The following RNF150 variants were observed in gnomAD, a reference collection of about 807,000 sequenced individuals.
RNF150 encodes the protein ring finger protein 150.
Under a neutral mutation model 39.3 loss-of-function variants are expected in RNF150, and 24 were observed. The ratio of observed to expected loss-of-function variants is 0.61; its 90% CI spans 0.44 to 0.86. The LOEUF is 0.86. RNF150 is among the 40% of genes least tolerant of loss of function. The pLI, the probability that RNF150 is intolerant of heterozygous loss-of-function variation, is 0.00. For missense variants in RNF150, 502 were observed against 587.8 expected, an observed-to-expected ratio of 0.85 and a Z score of 1.51; for synonymous variants, 255 against 227.3, an observed-to-expected ratio of 1.12 and a Z score of -1.10.
At chr4:140,969,337 C>T (rs139044760) in intron 1 of RNF150, among the ~76,000 whole-genome samples, 2 of 152,090 alleles carry the variant, frequency 1.3e-5, no homozygotes, top group African/African-American at 4.8e-5. Flanking sequence ...ATCATAAAGC[C>T]ATAGTATGGG....
intron 4 of RNF150, among the ~76,000 whole-genome samples, chr4:140,934,090 C>T (rs1399223451): frequency 1.3e-5 from 2 of 152,120 alleles, no homozygotes; most frequent in African/African-American, 4.8e-5. Flanking sequence ...GGCTCACTGC[C>T]ACCTCCGCCT....
In RNF150 at chr4:141,000,078, AAGAAGAAGG is replaced by A. The variant is rs1560679548; in HGVS notation, c.485-32214_485-32206del. On this transcript the variant is annotated intron_variant, in intron 1 of 6. Transcript: ENST00000515673. ...GAAGAAGAAGAAGAAGAAGAAGAAG[AAGAAGAAGG>A]AGAAGAAGAAGAAGAAGAAGAGGAG... Among the ~76,000 whole-genome samples the A allele has an allele frequency of 4.7e-3, 369 of 78,724 alleles. 25 individuals are homozygous for A. The highest frequency in any genetic ancestry group is 0.018 in the East Asian group (36 of 2,010). The allele number at this position is 78,724 out of a possible 152,430, so 51.6% of individuals were successfully genotyped here.
intron 1 of RNF150, among the ~76,000 whole-genome samples, chr4:141,120,864 T>G (rs903320232): frequency 9.9e-5 from 15 of 152,080 alleles, no homozygotes; most frequent in Non-Finnish European, 2.1e-4. Flanking sequence ...TGATTGCCTT[T>G]GATTTGTATT....
chr4:141,097,317 CAATT>C (rs991534713), intron 1 of RNF150, among the ~76,000 whole-genome samples: 10 of 152,186 alleles, frequency 6.6e-5, no homozygotes, highest in African/African-American at 2.2e-4. Flanking sequence ...GCAGCTCAGA[CAATT>C]AATTTATTTC....
intron 2 of RNF150, among the ~76,000 whole-genome samples, chr4:140,961,498 C>A (rs987533918): frequency 2.2e-4 from 33 of 152,250 alleles, no homozygotes; most frequent in African/African-American, 7.0e-4. Flanking sequence ...CTGAAAGTCA[C>A]TCTTTCTGAA....
At chr4:141,091,876 A>G (rs1397865362) in intron 1 of RNF150, among the ~76,000 whole-genome samples, 2 of 152,224 alleles carry the variant, frequency 1.3e-5, no homozygotes, top group African/African-American at 4.8e-5. Context: ...CACGGGTTTC[A>G]CTGATGGTGC....
At chr4:140,936,575 T>G (rs187755302) in intron 4 of RNF150, among the ~76,000 whole-genome samples, 125 of 152,168 alleles carry the variant, frequency 8.2e-4, no homozygotes, top group Middle Eastern at 3.5e-3. Context: ...TAGGGAAGGA[T>G]TAAAGTAAGG....
rs141897223 is a variant in RNF150, at chr4:141,085,229, A to C, written c.484+47096T>G. ...GAACTGCCCTTTATAAAGCCATGAGATCTGGTGAGACTTACTCACTCTCAT... is the reference window on the plus strand; with the variant it reads ...GAACTGCCCTTTATAAAGCCATGAGCTCTGGTGAGACTTACTCACTCTCAT... On this transcript the variant is annotated intron_variant, in intron 1 of 6. Coordinates refer to ENST00000515673, the MANE Select transcript of RNF150 (RefSeq NM_020724.2). 3.4e-4 allele frequency among the ~76,000 whole-genome samples: 52 copies of C among 152,304 alleles called. 1 individual carries two copies. The highest frequency in any genetic ancestry group is 5.7e-4 in the Non-Finnish European group (39 of 68,024).
intron 5 of RNF150, among the ~76,000 whole-genome samples, chr4:140,921,543 G>T (rs1029419660): frequency 1.3e-5 from 2 of 152,120 alleles, no homozygotes; most frequent in East Asian, 1.9e-4. Flanking sequence ...AGAGGTACAA[G>T]GAGGAGCTGG....
At chr4:141,199,204 A>G (rs1476765894) in intron 1 of RNF150, among the ~76,000 whole-genome samples, 1 of 152,206 alleles carries the variant, frequency 6.6e-6, no homozygotes, top group African/African-American at 2.4e-5. Context: ...CTAAAAAAAC[A>G]CAAACCAACA....
chr4:141,031,123 A>G (rs542700676), intron 1 of RNF150, among the ~76,000 whole-genome samples: 1 of 152,178 alleles, frequency 6.6e-6, no homozygotes, highest in Admixed American at 6.6e-5. Flanking sequence ...CAGGCAATTG[A>G]TCTTTGCCAA....
chr4:140,912,390 G>C (rs1389567301), intron 5 of RNF150, among the ~76,000 whole-genome samples: 2 of 152,188 alleles, frequency 1.3e-5, no homozygotes, highest in African/African-American at 4.8e-5. Context: ...CCTCAGCTTT[G>C]TCTTGAAGGA....
chr4:141,064,692 G>A (rs1737384541), intron 1 of RNF150, among the ~76,000 whole-genome samples: 3 of 152,040 alleles, frequency 2.0e-5, no homozygotes, highest in Non-Finnish European at 4.4e-5. Flanking sequence ...CAAAATAAAA[G>A]ACAAAAACAA....
chr4:140,935,306 C>G (rs1382014271), intron 4 of RNF150, among the ~76,000 whole-genome samples: 1 of 151,688 alleles, frequency 6.6e-6, no homozygotes, highest in Non-Finnish European at 1.5e-5. Flanking sequence ...GCAGGACCCT[C>G]ATTTTATAGT....
chr4:140,877,403 A>C (rs1159379976), intron 6 of RNF150, among the ~76,000 whole-genome samples: 1 of 152,244 alleles, frequency 6.6e-6, no homozygotes, highest in Non-Finnish European at 1.5e-5. Context: ...CTTTTGATGA[A>C]TGTAAATATG....
intron 5 of RNF150, among the ~76,000 whole-genome samples, chr4:140,913,622 GC>G (rs1037584297): frequency 3.3e-5 from 5 of 152,182 alleles, no homozygotes; most frequent in Admixed American, 2.0e-4. Flanking sequence ...GCTCCTGCAA[GC>G]ACTTCATAAG....
intron 1 of RNF150, among the ~76,000 whole-genome samples, chr4:141,067,865 A>T (rs1293779634): frequency 6.6e-6 from 1 of 152,176 alleles, no homozygotes; most frequent in Admixed American, 6.6e-5. Flanking sequence ...GCAATCATAC[A>T]TGGATACAGG....
At chr4:140,917,578 C>A (rs1038869865) in intron 5 of RNF150, among the ~76,000 whole-genome samples, 65 of 152,166 alleles carry the variant, frequency 4.3e-4, no homozygotes, top group Non-Finnish European at 6.5e-4. Context: ...TAGACTCCCA[C>A]ACAATCATAA....
chr4:140,918,745 T>C (rs1337589020), intron 5 of RNF150, among the ~76,000 whole-genome samples: 1 of 151,722 alleles, frequency 6.6e-6, no homozygotes, highest in African/African-American at 2.4e-5. Context: ...AAGAGAATTT[T>C]AGACCAATAT....
Sources: allele counts gnomAD v4.1 joint callset (sites outside exome capture counted in the v4.1 genomes callset), GRCh38; gene constraint gnomAD v4.1.1; transcripts MANE v1.5; gene names NCBI Gene and HGNC (gene_info 2026-07-23, HGNC 2026-07-21).